Variants in PRKAR1B observed in about 807,000 individuals in gnomAD.
PRKAR1B encodes cAMP-dependent protein kinase type I-beta regulatory subunit.
A neutral mutation model predicts 46.5 loss-of-function variants in PRKAR1B; 22 were observed. The observed-to-expected ratio is 0.47, with a 90% CI of 0.34 to 0.68. The LOEUF (loss-of-function observed/expected upper bound fraction) is 0.68, where lower values mean the gene tolerates loss of function less well. Ranked by LOEUF, PRKAR1B falls within the 30% of genes least tolerant of loss-of-function variation. The pLI is 0.01. For synonymous variants in PRKAR1B, 259 were observed against 217.7 expected (o/e 1.19, Z -1.67); for missense variants, 445 against 535.6 (o/e 0.83, Z 1.67).
chr7:616,660 C>T (rs971124473), intron 4 of PRKAR1B, among the ~76,000 whole-genome samples: 1 of 152,350 alleles, frequency 6.6e-6, no homozygotes, highest in African/African-American at 2.4e-5. Context: ...GAGGGTCCGT[C>T]GGCCTCCCTC....
In PRKAR1B at chr7:550,621, G is replaced by T; in HGVS notation, c.974-19C>A. ...ATCTCCCCTGGGGGTTGAAGAGAGAGGTCAGGGCTGGGCCTGGGGGTCCTG... is the reference window on the plus strand; with the variant it reads ...ATCTCCCCTGGGGGTTGAAGAGAGATGTCAGGGCTGGGCCTGGGGGTCCTG... On this transcript the variant is annotated intron_variant, in intron 10 of 10. Transcript: ENST00000537384. 4 of 1,529,962 alleles carry T rather than the reference G, an allele frequency of 2.6e-6. No individual in the cohort carries two copies. The highest frequency in any genetic ancestry group is 3.5e-6 in the Non-Finnish European group (4 of 1,143,672). 94.8% of individuals were successfully genotyped at this position (1,529,962 alleles called of 1,614,324 possible).
In PRKAR1B at chr7:644,836, C is replaced by T. The variant is rs1316629562; in HGVS notation, c.440+32393G>A. 1.3e-5 allele frequency among the ~76,000 whole-genome samples: 2 copies of T among 152,130 alleles called. No individual in the cohort carries two copies. The highest frequency in any genetic ancestry group is 2.1e-4 in the South Asian group (1 of 4,832). ...CCAAAGAGGCTGGACCGGGCAGTGC[C>T]GTCGGCCAAAGGGTCCCGTGTGCTG... On this transcript the variant is annotated intron_variant, in intron 4 of 10. Transcript: ENST00000537384. The surrounding 1 kb of genome is among the most constrained non-coding windows in gnomAD (Gnocchi z 4.9).
intron 4 of PRKAR1B, among the ~76,000 whole-genome samples, chr7:664,018 C>T (rs1785766113): frequency 6.6e-6 from 1 of 152,104 alleles, no homozygotes. Flanking sequence ...AACAGGGTCA[C>T]CAAATTGCTG....
chr7:584,578 A>G lies in PRKAR1B; in HGVS notation c.709-10T>C, dbSNP rs1396083183. The G allele has an allele frequency of 3.7e-6, 6 of 1,612,230 alleles. No individual in the cohort carries two copies. The highest frequency in any genetic ancestry group is 5.1e-6 in the Non-Finnish European group (6 of 1,178,912). On this transcript the variant is annotated splice_polypyrimidine_tract_variant and intron_variant, in intron 7 of 10. Coordinates refer to ENST00000537384, the MANE Select transcript of PRKAR1B (RefSeq NM_001164760.2). The stretch of plus-strand genomic sequence containing the variant: ...TCCTCAGCGTGCTGCCCTGTTCGGG[A>G]GAAAGTAAAAAACAGACAAGAAGGT...
chr7:563,893 A>G (rs567986177), intron 9 of PRKAR1B, among the ~76,000 whole-genome samples: 1 of 151,574 alleles, frequency 6.6e-6, no homozygotes, highest in Non-Finnish European at 1.5e-5. Flanking sequence ...GTATATGTGC[A>G]TGTGTGCACA....
intron 4 of PRKAR1B, among the ~76,000 whole-genome samples, chr7:675,572 C>T (rs1234444019): frequency 6.6e-6 from 1 of 152,198 alleles, no homozygotes. Flanking sequence ...CCTTTGATCA[C>T]ATCAAGGAAT....
intron 9 of PRKAR1B, 72 bp downstream of exon 9, chr7:579,184 G>A: frequency 6.2e-7 from 1 of 1,610,112 alleles, no homozygotes; most frequent in Non-Finnish European, 8.5e-7. Flanking sequence ...GCGGGCAGTG[G>A]AAGAGGAGAA....
intron 4 of PRKAR1B, among the ~76,000 whole-genome samples, chr7:669,744 A>G (rs771298705): frequency 2.4e-4 from 37 of 151,130 alleles, no homozygotes; most frequent in Admixed American, 7.3e-4. Flanking sequence ...AGCCTGGGTG[A>G]CAGAGTGAGA....
At chr7:639,983 T>A (rs1784304013) in intron 4 of PRKAR1B, among the ~76,000 whole-genome samples, 1 of 151,518 alleles carries the variant, frequency 6.6e-6, no homozygotes, top group South Asian at 2.1e-4. Context: ...GCCAACATGG[T>A]GAAACCCCAT....
At chr7:590,709 C>T (rs28633147) in intron 7 of PRKAR1B, among the ~76,000 whole-genome samples, 2,199 of 152,316 alleles carry the variant, frequency 0.014, 37 homozygotes, top group African/African-American at 0.043. Flanking sequence ...CCAAAGCCCT[C>T]CCCAAGGTCC....
At chr7:637,976 T>A (rs1026459193) in intron 4 of PRKAR1B, among the ~76,000 whole-genome samples, 2 of 152,196 alleles carry the variant, frequency 1.3e-5, no homozygotes, top group African/African-American at 2.4e-5. Context: ...CTGAAGTGCA[T>A]GACATAGAGG....
chr7:652,547 A>G (rs1784968193), intron 4 of PRKAR1B, among the ~76,000 whole-genome samples: 1 of 152,060 alleles, frequency 6.6e-6, no homozygotes, highest in Admixed American at 6.5e-5. Flanking sequence ...GAAAGTTCAT[A>G]CCCACGCAGT....
chr7:550,355 C>G lies in PRKAR1B; in HGVS notation c.*75G>C. The G allele has an allele frequency of 7.0e-7, 1 of 1,429,692 alleles. No individual in the cohort carries two copies. Among genetic ancestry groups the G allele is most frequent in the Non-Finnish European group, 9.6e-7 (1 of 1,042,058 alleles). The allele number at this position is 1,429,692 out of a possible 1,614,324, so 88.6% of individuals were successfully genotyped here. A position where few individuals can be genotyped will look rare whatever the true frequency, so the allele number is the denominator to read the frequency against. On this transcript the variant is annotated 3_prime_UTR_variant, in exon 11 of 11. Transcript: ENST00000537384. ...CCGGCCCACACCTCACACAGCGGCT[C>G]CCGGGCCCCCGACACAGACGAGCAG... is the stretch of plus-strand genomic sequence containing the variant.
rs1019840478 is a variant in PRKAR1B, at chr7:560,103, C to T, written c.892-8633G>A. 2.0e-5 allele frequency among the ~76,000 whole-genome samples: 3 copies of T among 152,116 alleles called. No homozygotes were observed. Among genetic ancestry groups the T allele is most frequent in the Non-Finnish European group, 4.4e-5 (3 of 68,024 alleles). ...TCTTGAGTTGTAGCTCCCATAATCCCCACGTGTTGTGGGAGGGACCCAGGG... is the reference window on the plus strand; with the variant it reads ...TCTTGAGTTGTAGCTCCCATAATCCTCACGTGTTGTGGGAGGGACCCAGGG... On this transcript the variant is annotated intron_variant, in intron 9 of 10. Coordinates refer to ENST00000537384, the MANE Select transcript of PRKAR1B (RefSeq NM_001164760.2). This position sits in a 1 kb window ranked among gnomAD's most constrained non-coding sequence, Gnocchi z 4.2.
intron 4 of PRKAR1B, among the ~76,000 whole-genome samples, chr7:640,006 TAA>T (rs1241821853): frequency 6.7e-6 from 1 of 148,564 alleles, no homozygotes; most frequent in Non-Finnish European, 1.5e-5. Context: ...CTACTAAAAA[TAA>T]AAAAGTTAGC....
At chr7:665,656 A>G (rs901294813) in intron 4 of PRKAR1B, among the ~76,000 whole-genome samples, 2 of 152,098 alleles carry the variant, frequency 1.3e-5, no homozygotes, top group African/African-American at 2.4e-5. Context: ...GAGGCCCTGC[A>G]TTTTCCAAAA....
At chr7:694,896 C>T (rs1359239618) in intron 2 of PRKAR1B, among the ~76,000 whole-genome samples, 5 of 151,970 alleles carry the variant, frequency 3.3e-5, no homozygotes, top group African/African-American at 1.2e-4. Flanking sequence ...ATTAGCCAGG[C>T]GTGGTGGTGG....
At chr7:555,261 G>A (rs556039762) in intron 9 of PRKAR1B, among the ~76,000 whole-genome samples, 1 of 152,316 alleles carries the variant, frequency 6.6e-6, no homozygotes, top group African/African-American at 2.4e-5. Flanking sequence ...GAAGCGGCAG[G>A]GATGGGTCCG....
chr7:602,904 G>A lies in PRKAR1B; in HGVS notation c.549+3289C>T, dbSNP rs1781723171. On this transcript the variant is annotated intron_variant, in intron 6 of 10. Coordinates refer to ENST00000537384, the MANE Select transcript of PRKAR1B (RefSeq NM_001164760.2). The surrounding 1 kb of genome is among the most constrained non-coding windows in gnomAD (Gnocchi z 6.4). ...TCACGGCCAGCAAAGAACACAGCCTGGGTCCTCTGAGTCCCGAGTCCACGC... is the reference window on the plus strand; with the variant it reads ...TCACGGCCAGCAAAGAACACAGCCTAGGTCCTCTGAGTCCCGAGTCCACGC... Among the ~76,000 whole-genome samples the A allele has an allele frequency of 6.6e-6, 1 of 152,174 alleles. No homozygotes were observed. Among genetic ancestry groups the A allele is most frequent in the African/African-American group, 2.4e-5 (1 of 41,440 alleles).
Sources: gnomAD v4.1 joint callset for allele counts (sites outside exome capture counted in the v4.1 genomes callset) on GRCh38, gnomAD v4.1.1 for gene constraint, Gnocchi (gnomAD v3.1) non-coding constraint, MANE v1.5 for transcripts, NCBI Gene and HGNC (gene_info 2026-07-23, HGNC 2026-07-21) for gene names.